The following TMEM178B variants were observed in gnomAD, a reference collection of about 807,000 sequenced individuals.
TMEM178B encodes the protein transmembrane protein 178B.
Under a neutral mutation model 31.0 loss-of-function variants are expected in TMEM178B, and 5 were observed. That is an observed-to-expected ratio of 0.16 (90% CI 0.08 to 0.34). The LOEUF (loss-of-function observed/expected upper bound fraction) is 0.34. Among genes scored for constraint, TMEM178B ranks in the 10% least tolerant of loss-of-function variants. The pLI is 1.00. For missense variants in TMEM178B, 275 were observed against 400.3 expected, an observed-to-expected ratio of 0.69 and a Z score of 2.67; for synonymous variants, 164 against 164.0, an observed-to-expected ratio of 1.00 and a Z score of 0.00.
intron 2 of TMEM178B, among the ~76,000 whole-genome samples, chr7:141,321,626 G>A (rs1182857722): frequency 1.3e-5 from 2 of 152,100 alleles, no homozygotes; most frequent in African/African-American, 2.4e-5. Context: ...TTGTAATTTT[G>A]TTCTGCTAAG....
chr7:141,252,843 TCA>T (rs1197056497), intron 2 of TMEM178B, among the ~76,000 whole-genome samples: 1 of 152,218 alleles, frequency 6.6e-6, no homozygotes, highest in African/African-American at 2.4e-5. Flanking sequence ...GTCCTGGGTC[TCA>T]GTCTAGGGCT....
At chr7:141,455,396 C>G (rs1198451104) in intron 3 of TMEM178B, among the ~76,000 whole-genome samples, 1 of 152,164 alleles carries the variant, frequency 6.6e-6, no homozygotes, top group Non-Finnish European at 1.5e-5. Context: ...GTTGATGAAT[C>G]ATATTTAAAC....
the TMEM178B span, among the ~76,000 whole-genome samples, chr7:141,487,137 A>G: frequency 4.6e-5 from 7 of 152,212 alleles, 1 homozygote; most frequent in Admixed American, 4.6e-4. Flanking sequence ...GTGGGACTCA[A>G]ATTGGGGTTT....
intron 3 of TMEM178B, among the ~76,000 whole-genome samples, chr7:141,441,802 T>C (rs1801664519): frequency 6.6e-6 from 1 of 152,246 alleles, no homozygotes; most frequent in South Asian, 2.1e-4. Flanking sequence ...GGCACTTTTC[T>C]GTTCCAGGTT....
rs188662745 is a variant in TMEM178B at position 141,090,187 on chromosome 7, A to T, written c.382+15495A>T. ...CTGCTTCTGGACCTTTAAATTTTTT[A>T]AAAAAATTTAATTTTAGAGACAGGG... is the stretch of plus-strand genomic sequence containing the variant. On this transcript the variant is annotated intron_variant, in intron 1 of 3. Coordinates refer to ENST00000565468, the MANE Select transcript of TMEM178B (RefSeq NM_001195278.2). Among the ~76,000 whole-genome samples, 1,190 of 152,184 alleles carry T rather than the reference A, an allele frequency of 7.8e-3. 13 individuals are homozygous for T. The highest frequency in any genetic ancestry group is 0.018 in the African/African-American group (740 of 41,520).
intron 2 of TMEM178B, among the ~76,000 whole-genome samples, chr7:141,274,422 G>A (rs1798233995): frequency 1.3e-5 from 2 of 152,136 alleles, no homozygotes; most frequent in South Asian, 4.1e-4. Context: ...CTCACTTGCT[G>A]CAAAAATTTG....
At position 141,107,978 on chromosome 7, in the gene TMEM178B, G is replaced by C. The variant is rs114835058; in HGVS notation, c.382+33286G>C. Among the ~76,000 whole-genome samples, 1,219 of 152,350 alleles carry C rather than the reference G, an allele frequency of 8.0e-3. 20 individuals are homozygous for C. The highest frequency in any genetic ancestry group is 0.028 in the African/African-American group (1,149 of 41,574). ...GTGTTCTGGAGGTCAAGTGAAGAAA[G>C]TGTTTCCAGGAGGAGGAAGTGGTCT... is the stretch of plus-strand genomic sequence containing the variant. On this transcript the variant is annotated intron_variant, in intron 1 of 3. Transcript: ENST00000565468.
intron 2 of TMEM178B, among the ~76,000 whole-genome samples, chr7:141,389,581 A>G (rs1800497096): frequency 6.6e-6 from 1 of 152,242 alleles, no homozygotes; most frequent in Non-Finnish European, 1.5e-5. Context: ...AAGATCTCTG[A>G]TGAGCCAATA....
intron 2 of TMEM178B, among the ~76,000 whole-genome samples, chr7:141,321,817 G>T (rs1799102904): frequency 7.5e-6 from 1 of 133,328 alleles, no homozygotes; most frequent in African/African-American, 3.4e-5. Flanking sequence ...TGATCTACTT[G>T]TCCAACATTA....
chr7:141,233,663 T>C (rs908038159), intron 2 of TMEM178B, among the ~76,000 whole-genome samples: 1 of 152,106 alleles, frequency 6.6e-6, no homozygotes, highest in African/African-American at 2.4e-5. Context: ...AGCTGGGTGT[T>C]TATATAGAGC....
At chr7:141,426,694 A>C (rs1801323020) in intron 2 of TMEM178B, among the ~76,000 whole-genome samples, 1 of 152,176 alleles carries the variant, frequency 6.6e-6, no homozygotes, top group Non-Finnish European at 1.5e-5. Flanking sequence ...TCAAAGCTCC[A>C]ACTCATGTAC....
chr7:141,254,608 C>A (rs1264633014), intron 2 of TMEM178B, among the ~76,000 whole-genome samples: 1 of 152,156 alleles, frequency 6.6e-6, no homozygotes, highest in Non-Finnish European at 1.5e-5. Flanking sequence ...ATCCCAGCTA[C>A]TCAGGAGGCT....
intron 1 of TMEM178B, among the ~76,000 whole-genome samples, chr7:141,100,473 T>C (rs905663216): frequency 1.3e-5 from 2 of 152,196 alleles, no homozygotes; most frequent in Non-Finnish European, 2.9e-5. Context: ...TGCTGTACTT[T>C]GTGGAGGAGA....
intron 1 of TMEM178B, among the ~76,000 whole-genome samples, chr7:141,107,735 A>G (rs1272349692): frequency 1.3e-5 from 2 of 152,238 alleles, no homozygotes; most frequent in Non-Finnish European, 2.9e-5. Flanking sequence ...TCTAGAGTTT[A>G]GCAGAACAAT....
chr7:141,460,128 T>A (rs1802036222), intron 3 of TMEM178B, among the ~76,000 whole-genome samples: 1 of 152,234 alleles, frequency 6.6e-6, no homozygotes, highest in Admixed American at 6.5e-5. Flanking sequence ...TGTATTACTT[T>A]GTCAGGGATG....
intron 2 of TMEM178B, among the ~76,000 whole-genome samples, chr7:141,253,663 G>A (rs1036452480): frequency 1.4e-5 from 2 of 144,194 alleles, no homozygotes; most frequent in Admixed American, 7.5e-5. Context: ...TGATTCTCCT[G>A]TTTCAGCCTC....
At chr7:141,090,764 C>T (rs1794868402) in intron 1 of TMEM178B, among the ~76,000 whole-genome samples, 1 of 152,138 alleles carries the variant, frequency 6.6e-6, no homozygotes, top group Non-Finnish European at 1.5e-5. Context: ...ATGTCATGGC[C>T]AGCCAACACA....
intron 1 of TMEM178B, among the ~76,000 whole-genome samples, chr7:141,156,162 C>T (rs1168048739): frequency 6.6e-6 from 1 of 152,134 alleles, no homozygotes; most frequent in Middle Eastern, 3.2e-3. Flanking sequence ...CATGATTCTG[C>T]AAATCTCACT....
intron 2 of TMEM178B, among the ~76,000 whole-genome samples, chr7:141,235,671 C>T (rs545443406): frequency 2.0e-5 from 3 of 152,306 alleles, no homozygotes; most frequent in African/African-American, 7.2e-5. Flanking sequence ...CAAACCAAAC[C>T]TCAAAATCCT....
Sources: gnomAD v4.1 joint callset for allele counts (sites outside exome capture counted in the v4.1 genomes callset) on GRCh38, gnomAD v4.1.1 for gene constraint, MANE v1.5 for transcripts, NCBI Gene and HGNC (gene_info 2026-07-23, HGNC 2026-07-21) for gene names.